Variants in CD2AP observed in about 807,000 individuals in gnomAD.
CD2AP encodes CD2 associated protein.
In CD2AP, 46 loss-of-function variants were observed where a neutral mutation model predicts 85.1. The observed-to-expected ratio is 0.54, with a 90% CI of 0.43 to 0.69. CD2AP has a LOEUF of 0.69. Ranked by LOEUF, CD2AP falls within the 30% of genes least tolerant of loss-of-function variation. The pLI is 0.00. For missense variants in CD2AP, 769 were observed against 729.5 expected, an observed-to-expected ratio of 1.05 and a Z score of -0.62; for synonymous variants, 255 against 252.9, an observed-to-expected ratio of 1.01 and a Z score of -0.08.
At chr6:47,519,854 A>G (rs968044998) in intron 2 of CD2AP, among the ~76,000 whole-genome samples, 4 of 152,244 alleles carry the variant, frequency 2.6e-5, no homozygotes, top group Admixed American at 1.3e-4. Context: ...TTGCCCTTTT[A>G]AAAGAAGTTA....
intron 17 of CD2AP, 125 bp from the exon 18 acceptor site, chr6:47,624,061 G>C: frequency 1.3e-6 from 1 of 782,586 alleles, no homozygotes. Flanking sequence ...TGGGAAACTG[G>C]ATTTTAGGTC....
At chr6:47,562,656 T>C in intron 5 of CD2AP, 1 of 540,462 alleles carries the variant, frequency 1.9e-6, no homozygotes, top group Admixed American at 2.4e-5. Flanking sequence ...GTAATGGATG[T>C]TAATACTGCC....
intron 17 of CD2AP, among the ~76,000 whole-genome samples, chr6:47,617,729 A>G (rs1003129259): frequency 1.5e-5 from 2 of 133,328 alleles, no homozygotes; most frequent in Admixed American, 1.4e-4. Context: ...TCTAATTCTT[A>G]TCTCAGATTA....
intron 1 of CD2AP, among the ~76,000 whole-genome samples, chr6:47,490,345 A>G (rs1367807134): frequency 6.6e-6 from 1 of 152,140 alleles, no homozygotes; most frequent in Non-Finnish European, 1.5e-5. Flanking sequence ...ACATACCCAA[A>G]AGTTTTCCTA....
Position 47,508,113 on chromosome 6 carries a change from A to G in CD2AP, c.165+4673A>G, listed in dbSNP as rs1356092838. 2.0e-5 allele frequency among the ~76,000 whole-genome samples: 3 copies of G among 152,214 alleles called. No homozygotes were observed. The East Asian group carries it at 5.8e-4, about 29-fold the overall frequency. ...GACTTCCACTTAAATTACCAGCTGC[A>G]TTAGTCCCTAGCAAGAGAGTGAGCC... On this transcript the variant is annotated intron_variant, in intron 2 of 17. Transcript: ENST00000359314.
rs556207951 is a variant in CD2AP at position 47,517,209 on chromosome 6, T to C, written c.165+13769T>C. On this transcript the variant is annotated intron_variant, in intron 2 of 17. Coordinates refer to ENST00000359314, the MANE Select transcript of CD2AP (RefSeq NM_012120.3). ...TCTTCTTCTGCCATGATTGGAAGCT[T>C]CCTCAGGCCCTCACCAGGAAGAGAT... Among the ~76,000 whole-genome samples, 28 of 152,242 alleles carry C rather than the reference T, an allele frequency of 1.8e-4. No individual in the cohort carries two copies. In the South Asian group the frequency reaches 5.6e-3, roughly 30 times the overall value.
intron 17 of CD2AP, among the ~76,000 whole-genome samples, chr6:47,617,792 G>T (rs1447077837): frequency 6.6e-6 from 1 of 152,116 alleles, no homozygotes; most frequent in Non-Finnish European, 1.5e-5. Flanking sequence ...GCTGAATAAA[G>T]TTCCAACAAC....
chr6:47,572,552 C>T, intron 5 of CD2AP, among the ~76,000 whole-genome samples: 1 of 152,116 alleles, frequency 6.6e-6, no homozygotes, highest in Non-Finnish European at 1.5e-5. Flanking sequence ...CTTGTTTTGG[C>T]AAGCCACCTG....
intron 5 of CD2AP, among the ~76,000 whole-genome samples, chr6:47,563,263 T>C (rs1582563201): frequency 6.6e-6 from 1 of 152,206 alleles, no homozygotes; most frequent in Non-Finnish European, 1.5e-5. Context: ...AGTATGCTAA[T>C]AGTATAAAAT....
intron 1 of CD2AP, among the ~76,000 whole-genome samples, chr6:47,478,666 C>A (rs1032290303): frequency 6.6e-6 from 1 of 152,174 alleles, no homozygotes; most frequent in South Asian, 2.1e-4. Context: ...CTTTCAACTT[C>A]TTTATTTTCT....
At chr6:47,517,034 T>G (rs1766467819) in intron 2 of CD2AP, among the ~76,000 whole-genome samples, 1 of 152,134 alleles carries the variant, frequency 6.6e-6, no homozygotes, top group South Asian at 2.1e-4. Context: ...CCATGGGGGC[T>G]GATCTGGCAT....
intron 1 of CD2AP, among the ~76,000 whole-genome samples, chr6:47,494,409 AAT>A (rs914979192): frequency 1.3e-5 from 2 of 152,144 alleles, no homozygotes; most frequent in African/African-American, 4.8e-5. Flanking sequence ...GGAAAGGGGA[AAT>A]ATACTATTAT....
chr6:47,606,743 C>T (rs924500035), intron 14 of CD2AP, among the ~76,000 whole-genome samples: 7 of 151,962 alleles, frequency 4.6e-5, no homozygotes, highest in African/African-American at 1.5e-4. Context: ...TTGATACAGG[C>T]ATGAAATGCA....
chr6:47,483,952 T>A (rs868497535), intron 1 of CD2AP, among the ~76,000 whole-genome samples: 34 of 152,268 alleles, frequency 2.2e-4, no homozygotes, highest in Middle Eastern at 6.8e-3. Context: ...GCAAATATAA[T>A]AAATGACCAA....
intron 3 of CD2AP, among the ~76,000 whole-genome samples, chr6:47,539,966 C>G (rs1398127208): frequency 6.6e-6 from 1 of 151,574 alleles, no homozygotes; most frequent in South Asian, 2.1e-4. Flanking sequence ...ATCACTTGAG[C>G]CCAGGAGTTC....
intron 11 of CD2AP, among the ~76,000 whole-genome samples, chr6:47,588,903 C>T (rs1175961640): frequency 6.6e-6 from 1 of 152,036 alleles, no homozygotes; most frequent in Non-Finnish European, 1.5e-5. Flanking sequence ...TACCTCTAGA[C>T]CAATGAAACT....
chr6:47,557,831 A>G (rs750854530), intron 5 of CD2AP, among the ~76,000 whole-genome samples: 24 of 152,124 alleles, frequency 1.6e-4, no homozygotes, highest in Middle Eastern at 3.2e-3. Context: ...TCCATATGAA[A>G]CATAAAGTAG....
At chr6:47,612,643 C>A in intron 17 of CD2AP, 107 bp downstream of exon 17, 3 of 748,468 alleles carry the variant, frequency 4.0e-6, no homozygotes, top group Non-Finnish European at 7.2e-6. Context: ...TATACTACTT[C>A]AGTTGGACAT....
intron 1 of CD2AP, among the ~76,000 whole-genome samples, chr6:47,499,885 C>T (rs143998552): frequency 0.016 from 2,372 of 152,172 alleles, 43 homozygotes; most frequent in African/African-American, 0.038. Flanking sequence ...TATGCCACCA[C>T]GCCCGGCTAA....
Sources: gnomAD v4.1 joint callset for allele counts (sites outside exome capture counted in the v4.1 genomes callset) on GRCh38, gnomAD v4.1.1 for gene constraint, MANE v1.5 for transcripts, NCBI Gene and HGNC (gene_info 2026-07-23, HGNC 2026-07-21) for gene names.